The following PRMT9 variants were observed in gnomAD, a reference collection of about 807,000 sequenced individuals.
PRMT9 encodes the protein protein arginine N-methyltransferase 9.
A neutral mutation model predicts 83.2 loss-of-function variants in PRMT9; 59 were observed. The ratio of observed to expected loss-of-function variants is 0.71; its 90% CI spans 0.57 to 0.88. The LOEUF is 0.88. Ranked by LOEUF, PRMT9 falls within the 40% of genes least tolerant of loss-of-function variation. The probability of loss-of-function intolerance (pLI) is 0.00; values close to 1 mark genes in which losing one functional copy is unlikely to be tolerated. For missense variants in PRMT9, 947 were observed against 1,021.9 expected, an observed-to-expected ratio of 0.93 and a Z score of 1.00; for synonymous variants, 333 against 353.2, an observed-to-expected ratio of 0.94 and a Z score of 0.64.
At chr4:147,639,398 A>C (rs1181589334) in intron 10 of PRMT9, 1 of 282,380 alleles carries the variant, frequency 3.5e-6, no homozygotes, top group African/African-American at 2.2e-5. Flanking sequence ...TTCTTAAGCC[A>C]AACAGCTCTA....
chr4:147,646,942 G>A (rs995460955), intron 9 of PRMT9, among the ~76,000 whole-genome samples: 18 of 152,138 alleles, frequency 1.2e-4, no homozygotes, highest in African/African-American at 3.6e-4. Context: ...ACAAACTGAC[G>A]GACCCAGGCA....
Position 147,645,916 on chromosome 4 carries a change from T to C in PRMT9, c.2046-2976A>G, listed in dbSNP as rs534454141. The stretch of plus-strand genomic sequence containing the variant: ...ACTAAATGTAACGACATGATCCTTC[T>C]GAGTTGTAATAAATCCTATATTCAT... On this transcript the variant is annotated intron_variant, in intron 9 of 11. Coordinates refer to ENST00000322396, the MANE Select transcript of PRMT9 (RefSeq NM_138364.4). 2.1e-4 allele frequency among the ~76,000 whole-genome samples: 32 copies of C among 152,346 alleles called. 1 individual carries two copies. The highest frequency in any genetic ancestry group is 6.8e-3 in the Middle Eastern group (2 of 294).
At chr4:147,673,952 A>C (rs993626957) in intron 2 of PRMT9, 78 bp from the exon 3 acceptor site, 12 of 1,197,114 alleles carry the variant, frequency 1.0e-5, no homozygotes, top group Non-Finnish European at 1.5e-5. Flanking sequence ...TATGCCACTC[A>C]CTTGGCCTGG....
At chr4:147,671,197 AT>A (rs1183891880) in intron 4 of PRMT9, among the ~76,000 whole-genome samples, 5 of 152,218 alleles carry the variant, frequency 3.3e-5, no homozygotes, top group African/African-American at 7.2e-5. Context: ...CTCAGTTATC[AT>A]TTTTTTATCT....
At chr4:147,668,752 GTAAGGA>G in intron 5 of PRMT9, 107 bp from the exon 6 acceptor site, 1 of 753,744 alleles carries the variant, frequency 1.3e-6, no homozygotes, top group Non-Finnish European at 2.2e-6. Context: ...AAGACAATAA[GTAAGGA>G]TAAAGTAAGT....
At chr4:147,646,141 T>G (rs933535670) in intron 9 of PRMT9, among the ~76,000 whole-genome samples, 3 of 152,330 alleles carry the variant, frequency 2.0e-5, no homozygotes, top group Admixed American at 6.5e-5. Flanking sequence ...TGGCTAAAAT[T>G]TTATGTCTTC....
At position 147,642,866 on chromosome 4, in the gene PRMT9, G is replaced by C; in HGVS notation, c.2120C>G (p.Thr707Arg). The change falls in exon 10 of 12, where the codon ACA (threonine) becomes AGA (arginine). Residue 707 changes from threonine (T) to arginine (R), a missense_variant. By Grantham distance (71) the Thr-to-Arg change is moderately conservative. Transcript: ENST00000322396. ...TTGAACAGCATTCTCCTCTAGGAGT[G>C]TCTGTGATTCCACAAGCAACCCAAA... ...LMFGLLVESQ[T>R]LLEENAVQGT... The C allele has an allele frequency of 1.2e-6, 2 of 1,613,726 alleles. No individual in the cohort carries two copies. Among genetic ancestry groups the C allele is most frequent in the Non-Finnish European group, 1.7e-6 (2 of 1,179,572 alleles).
intron 4 of PRMT9, among the ~76,000 whole-genome samples, chr4:147,672,316 T>G (rs932276349): frequency 3.3e-5 from 5 of 152,244 alleles, no homozygotes; most frequent in Non-Finnish European, 1.5e-5. Flanking sequence ...GAAGTAAGAT[T>G]GGAAGTTAAA....
chr4:147,653,187 C>A (rs1315848491), intron 9 of PRMT9, among the ~76,000 whole-genome samples: 1 of 152,092 alleles, frequency 6.6e-6, no homozygotes, highest in Non-Finnish European at 1.5e-5. Context: ...GTGGCTCATG[C>A]CTATAATCCC....
chr4:147,658,356 A>G (rs2126604219), intron 7 of PRMT9, among the ~76,000 whole-genome samples: 1 of 151,918 alleles, frequency 6.6e-6, no homozygotes, highest in East Asian at 1.9e-4. Context: ...TAAGAGAGAG[A>G]GTGAGAAAGA....
chr4:147,670,272 C>T (rs1224284285), intron 5 of PRMT9, among the ~76,000 whole-genome samples: 1 of 152,178 alleles, frequency 6.6e-6, no homozygotes, highest in East Asian at 1.9e-4. Flanking sequence ...CTCCACCTCC[C>T]GGGTTCAAGC....
intron 9 of PRMT9, among the ~76,000 whole-genome samples, chr4:147,645,351 T>C (rs1733661560): frequency 6.6e-6 from 1 of 152,178 alleles, no homozygotes; most frequent in Non-Finnish European, 1.5e-5. Context: ...TGACAAGACA[T>C]GGCAACTAAA....
chr4:147,642,357 G>A (rs754466574), intron 10 of PRMT9, among the ~76,000 whole-genome samples: 2 of 152,006 alleles, frequency 1.3e-5, no homozygotes, highest in Non-Finnish European at 2.9e-5. Flanking sequence ...TCCCACCTCA[G>A]TTTCCAGAGG....
chr4:147,653,442 T>TA lies in PRMT9; in HGVS notation c.2045+409dup, dbSNP rs201458372. ...GGGCAGCAAGAGCGAAACTCCGTCT[T>TA]AAAAAAAAAAAATATATATATATAT... On this transcript the variant is annotated intron_variant, in intron 9 of 11. Transcript: ENST00000322396. Among the ~76,000 whole-genome samples the TA allele has an allele frequency of 1.2e-3, 173 of 144,384 alleles. 1 individual carries two copies. The highest frequency in any genetic ancestry group is 2.0e-3 in the East Asian group (10 of 5,056). The allele number at this position is 144,384 out of a possible 152,430, so 94.7% of individuals were successfully genotyped here.
In PRMT9 at chr4:147,683,788, A is replaced by G; in HGVS notation, c.189+11T>C. On this transcript the variant is annotated intron_variant, in intron 1 of 11. Coordinates refer to ENST00000322396, the MANE Select transcript of PRMT9 (RefSeq NM_138364.4). ...TGGATCTGCCAGCAAGTGAGAAAAAAGGACCCTCACCTTCACGTCGTGTTT... is the reference window on the plus strand; with the variant it reads ...TGGATCTGCCAGCAAGTGAGAAAAAGGGACCCTCACCTTCACGTCGTGTTT... 6.2e-6 allele frequency: 10 copies of G among 1,606,486 alleles called. No homozygotes were observed. Among genetic ancestry groups the G allele is most frequent in the Non-Finnish European group, 8.5e-6 (10 of 1,176,674 alleles).
rs1733153401 is a variant in PRMT9, at chr4:147,638,464, CTAAT to C, written c.*64_*67del. The C allele has an allele frequency of 5.9e-6, 7 of 1,192,180 alleles. 1 individual carries two copies. In the South Asian group the frequency reaches 7.3e-5, roughly 12 times the overall value. 73.9% of individuals were successfully genotyped at this position (1,192,180 alleles called of 1,614,324 possible). A position where few individuals can be genotyped will look rare whatever the true frequency, so the allele number is the denominator to read the frequency against. On this transcript the variant is annotated 3_prime_UTR_variant, in exon 12 of 12. Coordinates refer to ENST00000322396, the MANE Select transcript of PRMT9 (RefSeq NM_138364.4). ...TACAAGGAATTTTTATATACCCCCA[CTAAT>C]TAAGACAAGAATTTTGTACTTGTTG...
intron 4 of PRMT9, among the ~76,000 whole-genome samples, chr4:147,671,475 G>C (rs548245487): frequency 7.2e-5 from 11 of 152,160 alleles, no homozygotes; most frequent in South Asian, 4.1e-4. Flanking sequence ...TTTATTGCCA[G>C]TATCACTCAT....
chr4:147,660,504 C>T (rs1215626451), intron 7 of PRMT9, among the ~76,000 whole-genome samples: 2 of 152,136 alleles, frequency 1.3e-5, no homozygotes, highest in Non-Finnish European at 2.9e-5. Context: ...GTGGTACATG[C>T]CTGTAGTCCC....
In PRMT9 at chr4:147,654,499, G is replaced by A. The variant is rs2126595146; in HGVS notation, c.1398C>T (p.Ile466=). 6.2e-7 allele frequency: 1 copy of A among 1,613,792 alleles called. No individual in the cohort carries two copies. Among genetic ancestry groups the A allele is most frequent in the Non-Finnish European group, 8.5e-7 (1 of 1,179,954 alleles). Reference sequence around the variant, plus strand: ...CCAAACCCAAGACACTAATACTCTGGATTCTTAAGTAACAGTCTTGACAAG... The same window carrying A: ...CCAAACCCAAGACACTAATACTCTGAATTCTTAAGTAACAGTCTTGACAAG... ...EVSCQDCYLR[I]QSISVLGLEC... The change falls in exon 9 of 12, where the codon ATC becomes ATT. Residue 466 remains isoleucine, a synonymous_variant. Coordinates refer to ENST00000322396, the MANE Select transcript of PRMT9 (RefSeq NM_138364.4).
Sources: gnomAD v4.1 joint callset for allele counts (sites outside exome capture counted in the v4.1 genomes callset) on GRCh38, gnomAD v4.1.1 for gene constraint, MANE v1.5 for transcripts, NCBI Gene and HGNC (gene_info 2026-07-23, HGNC 2026-07-21) for gene names.